FKBP5: variants seen among roughly 807,000 people sequenced by gnomAD.
FKBP5 encodes the protein peptidyl-prolyl cis-trans isomerase FKBP5.
Under a neutral mutation model 50.5 loss-of-function variants are expected in FKBP5, and 23 were observed. The observed-to-expected ratio is 0.46, with a 90% CI of 0.33 to 0.65. The LOEUF is 0.65. Among genes scored for constraint, FKBP5 ranks in the 30% least tolerant of loss-of-function variants. The pLI, the probability that FKBP5 is intolerant of heterozygous loss-of-function variation, is 0.02. For missense variants in FKBP5, 411 were observed against 553.1 expected, an observed-to-expected ratio of 0.74 and a Z score of 2.58; for synonymous variants, 176 against 190.6, an observed-to-expected ratio of 0.92 and a Z score of 0.63.
intron 2 of FKBP5, among the ~76,000 whole-genome samples, chr6:35,714,272 T>C (rs1337372125): frequency 5.0e-5 from 7 of 138,780 alleles, no homozygotes; most frequent in Admixed American, 1.5e-4. Context: ...GCCAACATGG[T>C]GAAACCCCGT....
chr6:35,599,403 T>C (rs962726336), intron 5 of FKBP5, among the ~76,000 whole-genome samples: 3 of 152,224 alleles, frequency 2.0e-5, no homozygotes, highest in African/African-American at 7.2e-5. Flanking sequence ...AACTGAAGAA[T>C]GAACAGAAAT....
intron 2 of FKBP5, among the ~76,000 whole-genome samples, chr6:35,717,779 G>A (rs150686652): frequency 3.2e-3 from 481 of 152,286 alleles, no homozygotes; most frequent in African/African-American, 9.9e-3. Flanking sequence ...AGGCCCCGCC[G>A]TCTCATCCTT....
At chr6:35,586,253 G>A (rs960783287) in intron 8 of FKBP5, 1 of 985,004 alleles carries the variant, frequency 1.0e-6, no homozygotes, top group African/African-American at 1.7e-5. Context: ...AGATCTAAGT[G>A]AGAAAATATC....
chr6:35,611,946 C>T (rs1319811337), intron 5 of FKBP5, among the ~76,000 whole-genome samples: 1 of 151,960 alleles, frequency 6.6e-6, no homozygotes, highest in Non-Finnish European at 1.5e-5. Flanking sequence ...TATTCTTTCC[C>T]CGGAACCTTG....
At chr6:35,666,868 G>A (rs1038883788) in intron 1 of FKBP5, among the ~76,000 whole-genome samples, 38 of 152,256 alleles carry the variant, frequency 2.5e-4, no homozygotes, top group African/African-American at 8.7e-4. Flanking sequence ...GGGCGACAGA[G>A]CGAGACTCTC....
chr6:35,696,386 C>T (rs1766081793), intron 2 of FKBP5, among the ~76,000 whole-genome samples: 1 of 151,646 alleles, frequency 6.6e-6, no homozygotes, highest in Non-Finnish European at 1.5e-5. Flanking sequence ...GTGGCATGCA[C>T]CTGTAGTCCC....
chr6:35,603,369 T>C (rs186207506), intron 5 of FKBP5, among the ~76,000 whole-genome samples: 91 of 152,330 alleles, frequency 6.0e-4, no homozygotes, highest in African/African-American at 2.2e-3. Flanking sequence ...AAATTCTTAG[T>C]AGGCAAAGGC....
chr6:35,619,312 C>T, intron 4 of FKBP5, 102 bp from the exon 5 acceptor site: 3 of 689,114 alleles, frequency 4.4e-6, no homozygotes, highest in South Asian at 1.9e-5. Flanking sequence ...CAAAATAAAG[C>T]TGTTTTAAAA....
chr6:35,677,931 G>A (rs953914494), intron 1 of FKBP5, among the ~76,000 whole-genome samples: 1 of 151,938 alleles, frequency 6.6e-6, no homozygotes, highest in Non-Finnish European at 1.5e-5. Flanking sequence ...CTACAGGCAC[G>A]CGCCCCCACA....
At chr6:35,720,098 C>G (rs1766585467) in intron 2 of FKBP5, among the ~76,000 whole-genome samples, 2 of 152,182 alleles carry the variant, frequency 1.3e-5, no homozygotes, top group Non-Finnish European at 2.9e-5. Context: ...ATCTGAGAAC[C>G]CTGGCTGTGC....
chr6:35,635,146 C>T (rs906070587), intron 3 of FKBP5, among the ~76,000 whole-genome samples: 10 of 151,434 alleles, frequency 6.6e-5, no homozygotes, highest in African/African-American at 2.4e-4. Flanking sequence ...GCTAGCCTGG[C>T]CAACATGGCA....
intron 1 of FKBP5, among the ~76,000 whole-genome samples, chr6:35,682,064 CCT>C (rs1157383099): frequency 2.3e-5 from 3 of 128,212 alleles, no homozygotes; most frequent in African/African-American, 1.2e-4. Context: ...TGTAAATTAC[CCT>C]GTTAGGTTTC....
chr6:35,719,557 G>A (rs973099027), intron 2 of FKBP5, among the ~76,000 whole-genome samples: 4 of 152,160 alleles, frequency 2.6e-5, no homozygotes, highest in African/African-American at 9.7e-5. Context: ...TCAGTTTAAT[G>A]AATTATTTAG....
At chr6:35,589,092 TTA>T (rs201093603) in intron 7 of FKBP5, among the ~76,000 whole-genome samples, 3,966 of 135,710 alleles carry the variant, frequency 0.029, 181 homozygotes, top group African/African-American at 0.099. Context: ...ATATATATTT[TTA>T]TATATATATA....
chr6:35,705,234 ATATATATATATATATATATATATATTTTT>A (rs1223021533), intron 2 of FKBP5, among the ~76,000 whole-genome samples: 45 of 4,894 alleles, frequency 9.2e-3, no homozygotes, highest in African/African-American at 0.037. Context: ...ATATATATAT[ATATATATATATATATATATATATATTTTT>A]TTTTTTTTTT....
chr6:35,629,427 TA>T lies in FKBP5; in HGVS notation c.250+7586del, dbSNP rs1411189791. ...CTTTTAAAGTGTTCATATCTTATGT[TA>T]CATTGTATTTTTGTCATTTCTCTAA... On this transcript the variant is annotated intron_variant, in intron 3 of 10. Coordinates refer to ENST00000357266, the MANE Select transcript of FKBP5 (RefSeq NM_004117.4). Among the ~76,000 whole-genome samples, 17 of 152,320 alleles carry T rather than the reference TA, an allele frequency of 1.1e-4. No individual in the cohort carries two copies. In the East Asian group the frequency reaches 2.7e-3, roughly 24 times the overall value.
chr6:35,637,457 CTTTTTTT>C (rs71002581), intron 2 of FKBP5, among the ~76,000 whole-genome samples: 6 of 73,270 alleles, frequency 8.2e-5, no homozygotes, highest in Admixed American at 6.1e-4. Context: ...ACAGTAAACT[CTTTTTTT>C]TTTTTTTTTT....
intron 2 of FKBP5, among the ~76,000 whole-genome samples, chr6:35,715,443 T>G (rs908658684): frequency 6.6e-6 from 1 of 152,346 alleles, no homozygotes; most frequent in Middle Eastern, 3.4e-3. Context: ...TATATGTATG[T>G]GCAAAGTAAT....
At position 35,577,015 on chromosome 6, in the gene FKBP5, C is replaced by T. The variant is rs552172467; in HGVS notation, c.1245G>A (p.Lys415=). 2 of 1,614,034 alleles carry T rather than the reference C, an allele frequency of 1.2e-6. No homozygotes were observed. Among genetic ancestry groups the T allele is most frequent in the Non-Finnish European group, 1.7e-6 (2 of 1,180,040 alleles). ...ACACCTTGGCATCCTGCTCTGCAAA[C>T]TTCTTGAACATGTTGGCGTATATCC... ...DRRIYANMFK[K]FAEQDAKEEA... Residue 415 remains lysine, a synonymous_variant, in exon 10 of 11, where the codon AAG becomes AAA. Transcript: ENST00000357266.
Sources: allele counts gnomAD v4.1 joint callset (sites outside exome capture counted in the v4.1 genomes callset), GRCh38; gene constraint gnomAD v4.1.1; transcripts MANE v1.5; gene names NCBI Gene and HGNC (gene_info 2026-07-23, HGNC 2026-07-21).